Variants in TM4SF1 observed in about 807,000 individuals in gnomAD.
The protein encoded by TM4SF1 is transmembrane 4 L six family member 1, also known as transmembrane 4 L6 family member 1.
Under a neutral mutation model 24.5 loss-of-function variants are expected in TM4SF1, and 20 were observed. The ratio of observed to expected loss-of-function variants is 0.82; its 90% CI spans 0.57 to 1.19. The LOEUF is 1.19. Among genes scored for constraint, TM4SF1 ranks in the 50% most tolerant of loss-of-function variants. TM4SF1 has a pLI of 0.00. For missense variants in TM4SF1, 258 were observed against 248.1 expected (o/e 1.04, Z -0.27); for synonymous variants, 107 against 95.4 (o/e 1.12, Z -0.71).
In TM4SF1 at chr3:149,375,480, C is replaced by T. The variant is rs371318081; in HGVS notation, c.376G>A (p.Gly126Ser). 15 of 1,614,008 alleles carry T rather than the reference C, an allele frequency of 9.3e-6. No individual in the cohort carries two copies. Among genetic ancestry groups the T allele is most frequent in the East Asian group, 4.5e-5 (2 of 44,894 alleles). ...AEGPLCLDSLGQWNYTFASTE... is the reference protein window; with the variant it reads ...AEGPLCLDSLSQWNYTFASTE... ...CTGGCAAAGGTGTAGTTCCACTGGC[C>T]GAGGGAATCAAGACATAGTGGTCCT... The change falls in exon 3 of 5, where the codon GGC (glycine) becomes AGC (serine). Residue 126 changes from glycine to serine, a missense_variant. Gly to Ser is a moderately conservative substitution (Grantham distance 56). Transcript: ENST00000305366.
chr3:149,369,941 T>G (rs1731780417), intron 4 of TM4SF1, 61 bp from the exon 5 acceptor site: 1 of 1,553,264 alleles, frequency 6.4e-7, no homozygotes, highest in Non-Finnish European at 8.7e-7. Flanking sequence ...GACATTTTAG[T>G]CCTTTAAGTT....
chr3:149,374,912 G>A (rs1030134763), intron 3 of TM4SF1, among the ~76,000 whole-genome samples: 1 of 152,158 alleles, frequency 6.6e-6, no homozygotes, highest in African/African-American at 2.4e-5. Context: ...TGCACTATAT[G>A]AACACAAACT....
At chr3:149,372,280 CTAAAG>C in intron 3 of TM4SF1, among the ~76,000 whole-genome samples, 1 of 152,214 alleles carries the variant, frequency 6.6e-6, no homozygotes, top group Admixed American at 6.5e-5. Context: ...AATTCATGTG[CTAAAG>C]TAGAGTATGT....
chr3:149,373,582 C>A (rs978722868), intron 3 of TM4SF1, among the ~76,000 whole-genome samples: 1 of 152,176 alleles, frequency 6.6e-6, no homozygotes, highest in Admixed American at 6.5e-5. Flanking sequence ...AAAAAAAGTT[C>A]TGTTTTTGTG....
chr3:149,371,650 C>A, intron 4 of TM4SF1, 37 bp downstream of exon 4: 1 of 1,612,450 alleles, frequency 6.2e-7, no homozygotes, highest in Non-Finnish European at 8.5e-7. Context: ...ATATTAACAC[C>A]AGGGCCAGAC....
chr3:149,373,922 T>G (rs1320004473), intron 3 of TM4SF1, among the ~76,000 whole-genome samples: 1 of 152,242 alleles, frequency 6.6e-6, no homozygotes, highest in African/African-American at 2.4e-5. Context: ...TAGTTTTGTA[T>G]GTTTGTACAT....
intron 1 of TM4SF1, among the ~76,000 whole-genome samples, chr3:149,376,873 C>A (rs1019721817): frequency 6.6e-6 from 1 of 152,198 alleles, no homozygotes; most frequent in Non-Finnish European, 1.5e-5. Context: ...AGACGCCACA[C>A]CCCAGCCTTA....
intron 3 of TM4SF1, among the ~76,000 whole-genome samples, chr3:149,374,246 A>G (rs1731897865): frequency 6.6e-6 from 1 of 152,160 alleles, no homozygotes; most frequent in African/African-American, 2.4e-5. Context: ...ACCTTTTCCT[A>G]CAGATAGGTG....
chr3:149,377,486 C>T lies in TM4SF1; in HGVS notation c.62G>A (p.Cys21Tyr), dbSNP rs767141799. ...GHSLVGLALLCIAANILLYFP... is the reference protein window; with the variant it reads ...GHSLVGLALLYIAANILLYFP... ...GTAAAGCAAAATATTAGCCGCGATG[C>T]ACAGGAGGGCGAGCCCCACCAGAGA... The change falls in exon 1 of 5, where the codon TGC (cysteine) becomes TAC (tyrosine). Residue 21 changes from cysteine (C) to tyrosine (Y), a missense_variant. Coordinates refer to ENST00000305366, the MANE Select transcript of TM4SF1 (RefSeq NM_014220.3). The T allele has an allele frequency of 6.2e-7, 1 of 1,614,178 alleles. No individual in the cohort carries two copies.
At chr3:149,373,415 T>C (rs1436696306) in intron 3 of TM4SF1, among the ~76,000 whole-genome samples, 1 of 152,240 alleles carries the variant, frequency 6.6e-6, no homozygotes, top group African/African-American at 2.4e-5. Context: ...TACAATCATG[T>C]GGGAAAATCA....
chr3:149,375,422 A>C (rs780604651), intron 3 of TM4SF1, 21 bp downstream of exon 3: 1 of 1,613,696 alleles, frequency 6.2e-7, no homozygotes, highest in South Asian at 1.1e-5. Flanking sequence ...ATGTGTAGCC[A>C]TGTAGAGAGT....
Position 149,369,820 on chromosome 3 carries a change from A to G in TM4SF1, c.*46T>C, listed in dbSNP as rs771107604. On this transcript the variant is annotated 3_prime_UTR_variant, in exon 5 of 5. Coordinates refer to ENST00000305366, the MANE Select transcript of TM4SF1 (RefSeq NM_014220.3). ...TGAATACAAGTGAAATATATAAATT[A>G]CAATGAAATAGAGGAAGATTGTGGC... 1 of 1,607,066 alleles carries G rather than the reference A, an allele frequency of 6.2e-7. No individual in the cohort carries two copies.
At chr3:149,370,913 C>T (rs1002880042) in intron 4 of TM4SF1, 1 of 152,044 alleles carries the variant, frequency 6.6e-6, no homozygotes, top group African/African-American at 2.4e-5. Flanking sequence ...AGGATCAAAG[C>T]TGGACTTTCA....
In TM4SF1 at chr3:149,369,727, C is replaced by A; in HGVS notation, c.*139G>T. 2 of 953,564 alleles carry A rather than the reference C, an allele frequency of 2.1e-6. No homozygotes were observed. Among genetic ancestry groups the A allele is most frequent in the Non-Finnish European group, 3.1e-6 (2 of 635,046 alleles). 59.1% of individuals were successfully genotyped at this position (953,564 alleles called of 1,614,324 possible). Reference sequence around the variant, plus strand: ...AAACACTGACATCCTGTGAAGATGCCAGTCTTTACAGGCGTTTGTAAAAGT... The same window carrying A: ...AAACACTGACATCCTGTGAAGATGCAAGTCTTTACAGGCGTTTGTAAAAGT... On this transcript the variant is annotated 3_prime_UTR_variant, in exon 5 of 5. Coordinates refer to ENST00000305366, the MANE Select transcript of TM4SF1 (RefSeq NM_014220.3).
Position 149,374,606 on chromosome 3 carries a change from G to T in TM4SF1, c.413+837C>A, listed in dbSNP as rs1731905419. On this transcript the variant is annotated intron_variant, in intron 3 of 4. Coordinates refer to ENST00000305366, the MANE Select transcript of TM4SF1 (RefSeq NM_014220.3). ...AGTATCAACATAGAATGGTAGAACA[G>T]CACAAATTATCCTGATATTATGATT... is the stretch of plus-strand genomic sequence containing the variant. 2.6e-5 allele frequency among the ~76,000 whole-genome samples: 4 copies of T among 152,170 alleles called. No homozygotes were observed. In the South Asian group the frequency reaches 8.3e-4, roughly 32 times the overall value.
At chr3:149,372,141 C>T (rs1192538562) in intron 3 of TM4SF1, among the ~76,000 whole-genome samples, 4 of 152,042 alleles carry the variant, frequency 2.6e-5, no homozygotes, top group Admixed American at 2.0e-4. Context: ...TTTATATTCC[C>T]TAACAGGCAT....
chr3:149,371,742 T>C lies in TM4SF1; in HGVS notation c.539A>G (p.Gln180Arg). 1 of 1,614,130 alleles carries C rather than the reference T, an allele frequency of 6.2e-7. No homozygotes were observed. The highest frequency in any genetic ancestry group is 8.5e-7 in the Non-Finnish European group (1 of 1,180,002). Residue 180 changes from glutamine (Q) to arginine (R), a missense_variant, in exon 4 of 5, where the codon CAA becomes CGA. By Grantham distance (43) the Gln-to-Arg change is conservative (BLOSUM62 1). Coordinates refer to ENST00000305366, the MANE Select transcript of TM4SF1 (RefSeq NM_014220.3). ...GCCTCCAAGCACTCCATTTATTACT[T>C]GAATAAGACACAAGATGAATTCAAT... ...GGIEFILCLI[Q>R]VINGVLGGIC...
chr3:149,377,041 G>A (rs755318673), intron 1 of TM4SF1, among the ~76,000 whole-genome samples: 5 of 152,190 alleles, frequency 3.3e-5, no homozygotes, highest in Non-Finnish European at 5.9e-5. Context: ...GCTCCCCAGA[G>A]CAAATGTTAA....
rs1034998432 is a variant in TM4SF1 at position 149,371,313 on chromosome 3, G to A, written c.594+374C>T. 2.5e-5 allele frequency: 10 copies of A among 394,834 alleles called. No homozygotes were observed. The East Asian group carries it at 4.9e-4, about 19-fold the overall frequency. 24.5% of individuals were successfully genotyped at this position (394,834 alleles called of 1,614,324 possible). A position where few individuals can be genotyped will look rare whatever the true frequency, so the allele number is the denominator to read the frequency against. ...TAGCATAGTGCCTGATGCATTGAAT[G>A]GTTGGCTATTACTTATGTATACTAG... is the stretch of plus-strand genomic sequence containing the variant. On this transcript the variant is annotated intron_variant, in intron 4 of 4. Transcript: ENST00000305366.
Sources: gnomAD v4.1 joint callset for allele counts (sites outside exome capture counted in the v4.1 genomes callset) on GRCh38, gnomAD v4.1.1 for gene constraint, MANE v1.5 for transcripts, NCBI Gene and HGNC (gene_info 2026-07-23, HGNC 2026-07-21) for gene names.